PUDP: variants seen among roughly 807,000 people sequenced by gnomAD.
The protein encoded by PUDP is pseudouridine-5'-phosphatase.
A neutral mutation model predicts 9.4 loss-of-function variants in PUDP; 8 were observed. That is an observed-to-expected ratio of 0.85 (90% CI 0.50 to 1.53). PUDP has a LOEUF of 1.53. Ranked by LOEUF, PUDP falls within the 40% of genes most tolerant of loss-of-function variation. The pLI is 0.00. For synonymous variants in PUDP, 99 were observed against 80.7 expected, an observed-to-expected ratio of 1.23 and a Z score of -1.22; for missense variants, 188 against 189.7, an observed-to-expected ratio of 0.99 and a Z score of 0.05.
intron 3 of PUDP, among the ~76,000 whole-genome samples, chrX:6,843,606 T>C (rs1339134638): frequency 9.0e-6 from 1 of 111,400 alleles, no homozygotes; most frequent in African/African-American, 3.3e-5. Flanking sequence ...AAAAGGTGAA[T>C]CAACAGCATG....
intron 3 of PUDP, among the ~76,000 whole-genome samples, chrX:6,880,348 A>G (rs1303486839): frequency 9.0e-6 from 1 of 110,931 alleles, no homozygotes; most frequent in East Asian, 2.8e-4. Flanking sequence ...GTGAGAACAT[A>G]TGATGTTTGG....
At chrX:7,082,491 T>G (rs1463145222) in intron 2 of PUDP, among the ~76,000 whole-genome samples, 1 of 111,013 alleles carries the variant, frequency 9.0e-6, no homozygotes, top group South Asian at 3.8e-4. Context: ...CAACGCAAAG[T>G]GGGAGAGGGA....
intron 1 of PUDP, among the ~76,000 whole-genome samples, chrX:7,114,046 GTC>G (rs199597384): frequency 7.9e-5 from 7 of 88,899 alleles, no homozygotes; most frequent in African/African-American, 1.3e-4. Context: ...GCTAGCTCAG[GTC>G]TCTCTCTCTC....
At chrX:7,070,018 G>A (rs1210391735) in intron 3 of PUDP, among the ~76,000 whole-genome samples, 1 of 112,038 alleles carries the variant, frequency 8.9e-6, no homozygotes, top group Non-Finnish European at 1.9e-5. Flanking sequence ...GAACTCCTTC[G>A]TTGTATGTAA....
intron 1 of PUDP, among the ~76,000 whole-genome samples, chrX:7,033,893 G>A (rs771653678): frequency 3.5e-4 from 39 of 111,917 alleles, no homozygotes; most frequent in African/African-American, 1.2e-3. Flanking sequence ...AGAGAGAGGC[G>A]TAAATGCCAA....
At chrX:6,994,882 G>T (rs1005824505) in intron 1 of PUDP, among the ~76,000 whole-genome samples, 3 of 111,506 alleles carry the variant, frequency 2.7e-5, no homozygotes, top group Non-Finnish European at 5.6e-5. Context: ...GGGGGGAAAA[G>T]TGCTAAGAGA....
chrX:6,933,963 C>T, intron 3 of PUDP, among the ~76,000 whole-genome samples: 1 of 104,576 alleles, frequency 9.6e-6, no homozygotes, highest in Non-Finnish European at 2.0e-5. Context: ...GCAAAGCCTC[C>T]AAGAAATATG....
At chrX:7,058,161 T>C (rs1167681150) in intron 3 of PUDP, among the ~76,000 whole-genome samples, 1 of 112,067 alleles carries the variant, frequency 8.9e-6, no homozygotes, top group African/African-American at 3.2e-5. Flanking sequence ...CCGTGCCTAC[T>C]TGGGATCACA....
chrX:6,821,814 C>A (rs1448361440), intron 3 of PUDP, among the ~76,000 whole-genome samples: 1 of 112,092 alleles, frequency 8.9e-6, no homozygotes, highest in Admixed American at 9.4e-5. Flanking sequence ...GGGTGTTCAG[C>A]ATGGAGCCTC....
At chrX:7,123,379 G>A (rs776662576) in intron 1 of PUDP, among the ~76,000 whole-genome samples, 9 of 111,900 alleles carry the variant, frequency 8.0e-5, no homozygotes, top group Non-Finnish European at 1.5e-4. Context: ...ATAGTCCACA[G>A]AGCAATCACT....
intron 1 of PUDP, among the ~76,000 whole-genome samples, chrX:7,145,594 AGT>A (rs1388707804): frequency 6.7e-5 from 5 of 75,065 alleles, no homozygotes; most frequent in African/African-American, 2.6e-4. Context: ...CAGAAACCGA[AGT>A]GTATTTTTTT....
At chrX:6,858,612 A>C (rs781064343) in intron 3 of PUDP, among the ~76,000 whole-genome samples, 2 of 111,536 alleles carry the variant, frequency 1.8e-5, no homozygotes, top group Admixed American at 1.9e-4. Context: ...GAGCCCCAGG[A>C]CCCAGCCTAT....
chrX:7,042,099 C>T (rs1470173997), intron 1 of PUDP, among the ~76,000 whole-genome samples: 3 of 108,646 alleles, frequency 2.8e-5, no homozygotes, highest in Non-Finnish European at 3.8e-5. Context: ...CATGCATTCC[C>T]TTCTCCCTCT....
chrX:6,820,938 C>T (rs1480523072), intron 3 of PUDP, among the ~76,000 whole-genome samples: 4 of 111,996 alleles, frequency 3.6e-5, no homozygotes, highest in Non-Finnish European at 7.5e-5. Flanking sequence ...CCACATTTGC[C>T]TTCTGCACTG....
intron 3 of PUDP, among the ~76,000 whole-genome samples, chrX:6,855,191 T>C (rs1926886759): frequency 1.8e-5 from 2 of 110,981 alleles, no homozygotes; most frequent in Admixed American, 1.9e-4. Flanking sequence ...TTCCACTTAA[T>C]GAATAGTAAA....
At chrX:7,015,750 A>C (rs986944407) in intron 1 of PUDP, among the ~76,000 whole-genome samples, 2 of 109,810 alleles carry the variant, frequency 1.8e-5, no homozygotes, top group African/African-American at 6.6e-5. Context: ...TAATTTTTTA[A>C]AATGTTTGCA....
At chrX:6,992,718 C>T (rs998786846) in intron 1 of PUDP, among the ~76,000 whole-genome samples, 1 of 111,336 alleles carries the variant, frequency 9.0e-6, no homozygotes, top group Admixed American at 9.5e-5. Flanking sequence ...TGAGTGTCAA[C>T]TTGATTGAAT....
At chrX:7,136,791 C>T (rs1230220833) in intron 1 of PUDP, among the ~76,000 whole-genome samples, 1 of 105,056 alleles carries the variant, frequency 9.5e-6, no homozygotes, top group Admixed American at 1.0e-4. Context: ...GAATCAGCCA[C>T]ATCTCCTTAG....
At chrX:7,089,168 G>A (rs900495394) in intron 2 of PUDP, among the ~76,000 whole-genome samples, 3 of 111,481 alleles carry the variant, frequency 2.7e-5, no homozygotes, top group Non-Finnish European at 5.7e-5. Flanking sequence ...AGCACCACCT[G>A]GGGGCACAGG....
Sources: allele counts gnomAD v4.1 joint callset (sites outside exome capture counted in the v4.1 genomes callset), GRCh38; gene constraint gnomAD v4.1.1; transcripts MANE v1.5; gene names NCBI Gene and HGNC (gene_info 2026-07-23, HGNC 2026-07-21).